The following SUSD6 variants were observed in gnomAD, a reference collection of about 807,000 sequenced individuals.
The protein encoded by SUSD6 is sushi domain containing 6.
A neutral mutation model predicts 28.4 loss-of-function variants in SUSD6; 16 were observed. The ratio of observed to expected loss-of-function variants is 0.56; its 90% CI spans 0.38 to 0.86. The LOEUF is 0.86. Ranked by LOEUF, SUSD6 falls within the 40% of genes least tolerant of loss-of-function variation. SUSD6 has a pLI of 0.00. For synonymous variants in SUSD6, 147 were observed against 159.6 expected, an observed-to-expected ratio of 0.92 and a Z score of 0.59; for missense variants, 341 against 384.2, an observed-to-expected ratio of 0.89 and a Z score of 0.94.
At chr14:69,642,449 A>T (rs975088038) in intron 1 of SUSD6, among the ~76,000 whole-genome samples, 8 of 152,146 alleles carry the variant, frequency 5.3e-5, no homozygotes, top group Non-Finnish European at 1.5e-5. Flanking sequence ...GTTTGATTGG[A>T]CTTACAGTTC....
intron 2 of SUSD6, among the ~76,000 whole-genome samples, chr14:69,688,972 TCTC>T (rs1384952210): frequency 6.6e-6 from 1 of 152,224 alleles, no homozygotes; most frequent in African/African-American, 2.4e-5. Flanking sequence ...TGTTCAGTTA[TCTC>T]CTGCTAAACC....
At chr14:69,634,587 G>A (rs1212768175) in intron 1 of SUSD6, among the ~76,000 whole-genome samples, 1 of 152,166 alleles carries the variant, frequency 6.6e-6, no homozygotes, top group Non-Finnish European at 1.5e-5. Flanking sequence ...GGGCTAGGAC[G>A]GTTTCAGCCA....
chr14:69,705,526 G>T (rs965019446), intron 4 of SUSD6, among the ~76,000 whole-genome samples: 1 of 152,118 alleles, frequency 6.6e-6, no homozygotes, highest in Non-Finnish European at 1.5e-5. Context: ...ACTTAAGTTT[G>T]TGAGCCACTA....
rs1885280527 is a variant in SUSD6 at position 69,637,413 on chromosome 14, G to A, written c.-80-21100G>A. Among the ~76,000 whole-genome samples the A allele has an allele frequency of 2.6e-5, 4 of 152,168 alleles. No homozygotes were observed. In the South Asian group the frequency reaches 8.3e-4, roughly 31 times the overall value. ...TCATTGCTGGTGCAGCGCCTGGGATGTGGTATATACACAGCAAATGTTGAA... is the reference window on the plus strand; with the variant it reads ...TCATTGCTGGTGCAGCGCCTGGGATATGGTATATACACAGCAAATGTTGAA... On this transcript the variant is annotated intron_variant, in intron 1 of 5. Coordinates refer to ENST00000342745, the MANE Select transcript of SUSD6 (RefSeq NM_014734.4).
chr14:69,701,804 T>C (rs781707742), intron 2 of SUSD6, among the ~76,000 whole-genome samples: 17 of 152,128 alleles, frequency 1.1e-4, no homozygotes, highest in Non-Finnish European at 2.5e-4. Context: ...TAATAGCTTT[T>C]TAAAAATGGC....
intron 1 of SUSD6, among the ~76,000 whole-genome samples, chr14:69,654,978 A>T (rs1205333692): frequency 1.3e-5 from 2 of 152,002 alleles, no homozygotes; most frequent in Non-Finnish European, 2.9e-5. Context: ...TATATCTAGT[A>T]GAGACGGGGT....
chr14:69,612,830 T>C lies in SUSD6; in HGVS notation c.-81+1002T>C, dbSNP rs1397840577. Among the ~76,000 whole-genome samples, 3 of 152,238 alleles carry C rather than the reference T, an allele frequency of 2.0e-5. No homozygotes were observed. In the East Asian group the frequency reaches 5.8e-4, roughly 29 times the overall value. ...AGGCCTAGGGATTTACTCCCTTTTT[T>C]GATCTACAGAGATGGGAAGTATGTC... On this transcript the variant is annotated intron_variant, in intron 1 of 5. Coordinates refer to ENST00000342745, the MANE Select transcript of SUSD6 (RefSeq NM_014734.4).
intron 1 of SUSD6, among the ~76,000 whole-genome samples, chr14:69,617,940 A>G (rs1225753028): frequency 6.6e-6 from 1 of 152,174 alleles, no homozygotes; most frequent in South Asian, 2.1e-4. Flanking sequence ...GGGCTTTTCC[A>G]GGTGGACCTC....
At chr14:69,691,264 A>T (rs900101268) in intron 2 of SUSD6, among the ~76,000 whole-genome samples, 1 of 152,142 alleles carries the variant, frequency 6.6e-6, no homozygotes, top group South Asian at 2.1e-4. Flanking sequence ...AATTGCTTCA[A>T]CCTGGGAGAA....
chr14:69,648,705 G>A (rs1236270398), intron 1 of SUSD6, among the ~76,000 whole-genome samples: 1 of 152,104 alleles, frequency 6.6e-6, no homozygotes, highest in African/African-American at 2.4e-5. Flanking sequence ...GCATCAGCCA[G>A]CTCTCTAGGG....
chr14:69,667,805 C>T (rs1465876823), intron 2 of SUSD6, among the ~76,000 whole-genome samples: 4 of 152,244 alleles, frequency 2.6e-5, no homozygotes, highest in East Asian at 1.9e-4. Context: ...ACACTGCTTT[C>T]GGTTTTATTT....
intron 1 of SUSD6, among the ~76,000 whole-genome samples, chr14:69,648,085 T>C (rs1176823928): frequency 6.6e-6 from 1 of 152,182 alleles, no homozygotes; most frequent in African/African-American, 2.4e-5. Context: ...ATGACAATAA[T>C]AATGATAGAT....
intron 2 of SUSD6, among the ~76,000 whole-genome samples, chr14:69,663,377 A>G (rs536285388): frequency 3.5e-4 from 53 of 152,368 alleles, no homozygotes; most frequent in Middle Eastern, 3.4e-3. Context: ...GCATTTCTAC[A>G]TGACAGAAAG....
At chr14:69,624,783 G>C (rs769698561) in intron 1 of SUSD6, among the ~76,000 whole-genome samples, 4 of 152,154 alleles carry the variant, frequency 2.6e-5, no homozygotes, top group Non-Finnish European at 4.4e-5. Flanking sequence ...TTGTAGGATA[G>C]AAATGATGTT....
At chr14:69,704,857 A>G in intron 4 of SUSD6, 115 bp downstream of exon 4, 1 of 1,154,520 alleles carries the variant, frequency 8.7e-7, no homozygotes, top group South Asian at 1.5e-5. Context: ...GTGTGTGTCC[A>G]GGGAGTGGGG....
At chr14:69,683,195 G>A (rs956640457) in intron 2 of SUSD6, among the ~76,000 whole-genome samples, 1 of 152,112 alleles carries the variant, frequency 6.6e-6, no homozygotes, top group African/African-American at 2.4e-5. Context: ...CTGGAATGGG[G>A]TGTAGGAGGA....
chr14:69,628,809 C>T (rs369445262), intron 1 of SUSD6, among the ~76,000 whole-genome samples: 142 of 151,026 alleles, frequency 9.4e-4, no homozygotes, highest in African/African-American at 3.2e-3. Flanking sequence ...CAGCCTCCGC[C>T]TCCCCACCTC....
intron 1 of SUSD6, among the ~76,000 whole-genome samples, chr14:69,621,483 T>C (rs1056166492): frequency 1.3e-5 from 2 of 152,196 alleles, no homozygotes; most frequent in Non-Finnish European, 2.9e-5. Context: ...TTGTCCAGAA[T>C]GTTTTAGCAA....
At chr14:69,663,330 T>G (rs942546302) in intron 2 of SUSD6, among the ~76,000 whole-genome samples, 1 of 152,234 alleles carries the variant, frequency 6.6e-6, no homozygotes, top group African/African-American at 2.4e-5. Context: ...CACAATCACC[T>G]AAAACAATTT....
Sources: gnomAD v4.1 joint callset for allele counts (sites outside exome capture counted in the v4.1 genomes callset) on GRCh38, gnomAD v4.1.1 for gene constraint, MANE v1.5 for transcripts, NCBI Gene and HGNC (gene_info 2026-07-23, HGNC 2026-07-21) for gene names.